The following ERGIC1 variants were observed in gnomAD, a reference collection of about 807,000 sequenced individuals.
ERGIC1 encodes the protein endoplasmic reticulum-Golgi intermediate compartment protein 1.
In ERGIC1, 19 loss-of-function variants were observed where a neutral mutation model predicts 38.3. The ratio of observed to expected loss-of-function variants is 0.50; its 90% CI spans 0.35 to 0.73. The LOEUF (loss-of-function observed/expected upper bound fraction) is 0.73. Ranked by LOEUF, ERGIC1 falls within the 30% of genes least tolerant of loss-of-function variation. The pLI is 0.01. For missense variants in ERGIC1, 294 were observed against 389.2 expected, an observed-to-expected ratio of 0.76 and a Z score of 2.06; for synonymous variants, 124 against 157.6, an observed-to-expected ratio of 0.79 and a Z score of 1.60.
At chr5:172,839,289 C>T (rs555761911) in intron 1 of ERGIC1, among the ~76,000 whole-genome samples, 4 of 149,284 alleles carry the variant, frequency 2.7e-5, no homozygotes, top group African/African-American at 9.9e-5. Context: ...GGTGTGGTAG[C>T]TCACACCTGT....
chr5:172,881,105 G>A, intron 1 of ERGIC1, among the ~76,000 whole-genome samples: 1 of 152,126 alleles, frequency 6.6e-6, no homozygotes, highest in Non-Finnish European at 1.5e-5. Context: ...AAATTAGCTG[G>A]GCATGGTGGC....
At chr5:172,866,781 C>T (rs1761874248) in intron 1 of ERGIC1, among the ~76,000 whole-genome samples, 2 of 152,222 alleles carry the variant, frequency 1.3e-5, no homozygotes, top group South Asian at 2.1e-4. Context: ...AGTGGAGGCA[C>T]GGGCGGCCCA....
At chr5:172,908,933 G>T (rs1763130000) in intron 3 of ERGIC1, among the ~76,000 whole-genome samples, 2 of 152,156 alleles carry the variant, frequency 1.3e-5, no homozygotes, top group Admixed American at 1.3e-4. Context: ...AAGGTCCTCT[G>T]TGCCTGCTGG....
intron 5 of ERGIC1, chr5:172,915,791 C>A: frequency 2.6e-6 from 1 of 385,270 alleles, no homozygotes; most frequent in Non-Finnish European, 5.5e-6. Context: ...CCAAACTGAG[C>A]CACTGGCCAC....
At chr5:172,853,144 C>T (rs1761454730) in intron 1 of ERGIC1, among the ~76,000 whole-genome samples, 1 of 152,194 alleles carries the variant, frequency 6.6e-6, no homozygotes, top group Non-Finnish European at 1.5e-5. Context: ...GGTGGTTTAC[C>T]ACGTGCTGTT....
At position 172,944,423 on chromosome 5, in the gene ERGIC1, A is replaced by G. The variant is rs189453130; in HGVS notation, c.766-6286A>G. 1.8e-3 allele frequency among the ~76,000 whole-genome samples: 269 copies of G among 151,258 alleles called. 15 individuals are homozygous for G. The South Asian group carries it at 0.043, about 24-fold the overall frequency. On this transcript the variant is annotated intron_variant, in intron 9 of 9. Coordinates refer to ENST00000393784, the MANE Select transcript of ERGIC1 (RefSeq NM_001031711.3). ...GCCCAGGCTGGTGTGCAGTGGCACG[A>G]TCTTGGCTCACTGCAACCTCCACCT...
chr5:172,861,722 C>CTT (rs970869657), intron 1 of ERGIC1, among the ~76,000 whole-genome samples: 3 of 152,172 alleles, frequency 2.0e-5, no homozygotes, highest in Non-Finnish European at 4.4e-5. Flanking sequence ...CTTGTTTAGA[C>CTT]AAAGTGTACA....
At chr5:172,876,069 A>G (rs1762134322) in intron 1 of ERGIC1, among the ~76,000 whole-genome samples, 1 of 152,190 alleles carries the variant, frequency 6.6e-6, no homozygotes. Context: ...ATTGTGTCAC[A>G]TTGAGAGGTA....
At chr5:172,836,049 C>T (rs192428857) in intron 1 of ERGIC1, among the ~76,000 whole-genome samples, 5 of 152,218 alleles carry the variant, frequency 3.3e-5, no homozygotes, top group Non-Finnish European at 4.4e-5. Context: ...TGATTTTGAG[C>T]TTGCTGGGGA....
At chr5:172,892,061 T>TG (rs1762575844) in intron 2 of ERGIC1, among the ~76,000 whole-genome samples, 1 of 101,410 alleles carries the variant, frequency 9.9e-6, no homozygotes, top group Non-Finnish European at 2.1e-5. Context: ...TTAAAGAGTA[T>TG]GTTTTTTTTT....
At chr5:172,928,460 C>G (rs1763702302) in intron 7 of ERGIC1, among the ~76,000 whole-genome samples, 1 of 152,216 alleles carries the variant, frequency 6.6e-6, no homozygotes, top group African/African-American at 2.4e-5. Flanking sequence ...ACGCCACCGT[C>G]TCCAAGAAGC....
intron 4 of ERGIC1, 92 bp from the exon 5 acceptor site, chr5:172,914,622 T>C: frequency 6.2e-7 from 1 of 1,608,582 alleles, no homozygotes; most frequent in African/African-American, 1.3e-5. Context: ...GCCCCTGCAA[T>C]GGATGAATGA....
Position 172,837,632 on chromosome 5 carries a change from T to C in ERGIC1, c.20+3199T>C, listed in dbSNP as rs1002071933. 2.0e-5 allele frequency among the ~76,000 whole-genome samples: 3 copies of C among 152,206 alleles called. No homozygotes were observed. The highest frequency in any genetic ancestry group is 7.2e-5 in the African/African-American group (3 of 41,460). On this transcript the variant is annotated intron_variant, in intron 1 of 9. Coordinates refer to ENST00000393784, the MANE Select transcript of ERGIC1 (RefSeq NM_001031711.3). This position sits in a 1 kb window ranked among gnomAD's most constrained non-coding sequence, Gnocchi z 4.3. ...ATATGCCAGCTTCAGTGGGCAGATT[T>C]TCAGCCATTAGTGGAGAAATCTCCC...
At chr5:172,920,104 T>TAC (rs1763470582) in intron 5 of ERGIC1, among the ~76,000 whole-genome samples, 1 of 152,126 alleles carries the variant, frequency 6.6e-6, no homozygotes, top group African/African-American at 2.4e-5. Flanking sequence ...ACATCTTGGT[T>TAC]ACACATGTCA....
intron 5 of ERGIC1, chr5:172,915,831 C>T (rs1192931147): frequency 5.7e-6 from 2 of 351,516 alleles, no homozygotes; most frequent in East Asian, 1.7e-4. Context: ...CTCCTGCAGC[C>T]TCTGCTCAGA....
chr5:172,881,984 AGGGAGGAC>A (rs1335090472), intron 1 of ERGIC1, among the ~76,000 whole-genome samples: 2 of 152,152 alleles, frequency 1.3e-5, no homozygotes, highest in Non-Finnish European at 2.9e-5. Flanking sequence ...AATGTCAGCC[AGGGAGGAC>A]GGCTCACTTC....
intron 1 of ERGIC1, among the ~76,000 whole-genome samples, chr5:172,859,478 C>T (rs1761642171): frequency 7.0e-6 from 1 of 141,988 alleles, no homozygotes. Context: ...TGCTTCCAGA[C>T]TGAAGGGTGG....
intron 7 of ERGIC1, 133 bp from the exon 8 acceptor site, chr5:172,932,302 GT>G (rs770652837): frequency 3.9e-6 from 3 of 763,218 alleles, no homozygotes; most frequent in Non-Finnish European, 6.5e-6. Flanking sequence ...ATGAAGAGCA[GT>G]TGGTTGGTGG....
Position 172,929,153 on chromosome 5 carries a change from A to ATGTGTG in ERGIC1, c.541+2598_541+2603dup, listed in dbSNP as rs70984922. ...ATAATATGGGCTGTCATATATATAT[A>ATGTGTG]TGTGTGTGTGTGTGTGTGTATATAA... On this transcript the variant is annotated intron_variant, in intron 7 of 9. Coordinates refer to ENST00000393784, the MANE Select transcript of ERGIC1 (RefSeq NM_001031711.3). 7.4e-3 allele frequency among the ~76,000 whole-genome samples: 1,111 copies of ATGTGTG among 150,062 alleles called. 2 individuals are homozygous for ATGTGTG. The highest frequency in any genetic ancestry group is 0.011 in the Non-Finnish European group (740 of 67,566).
Sources: allele counts gnomAD v4.1 joint callset (sites outside exome capture counted in the v4.1 genomes callset), GRCh38; gene constraint gnomAD v4.1.1; non-coding constraint Gnocchi (gnomAD v3.1); transcripts MANE v1.5; gene names NCBI Gene and HGNC (gene_info 2026-07-23, HGNC 2026-07-21).